The following LRP1B variants were observed in gnomAD, a reference collection of about 807,000 sequenced individuals.
LRP1B encodes the protein low-density lipoprotein receptor-related protein 1B.
LRP1B carries 217 observed loss-of-function variants against 556.6 expected under a neutral mutation model. The ratio of observed to expected loss-of-function variants is 0.39; its 90% CI spans 0.35 to 0.44. The LOEUF (loss-of-function observed/expected upper bound fraction) is 0.44. Ranked by LOEUF, LRP1B falls within the 20% of genes least tolerant of loss-of-function variation. The pLI, the probability that LRP1B is intolerant of heterozygous loss-of-function variation, is 1.00. For missense variants in LRP1B, 5,053 were observed against 5,620.8 expected, an observed-to-expected ratio of 0.90 and a Z score of 3.23; for synonymous variants, 2,047 against 1,865.8, an observed-to-expected ratio of 1.10 and a Z score of -2.50.
intron 11 of LRP1B, 48 bp from the exon 12 acceptor site, chr2:141,020,150 T>G: frequency 7.7e-7 from 1 of 1,292,654 alleles, no homozygotes; most frequent in Non-Finnish European, 1.0e-6. Context: ...ACAACTATAG[T>G]AAAATTAGTG....
At chr2:141,193,498 A>G (rs751527782) in intron 6 of LRP1B, among the ~76,000 whole-genome samples, 1 of 152,056 alleles carries the variant, frequency 6.6e-6, no homozygotes, top group Non-Finnish European at 1.5e-5. Context: ...AGAAATCAAA[A>G]TACTTCATGT....
rs1333664208 is a variant in LRP1B, at chr2:140,841,022, A to C, written c.5010T>G (p.Phe1670Leu). Reference protein sequence around the residue: ...SRNLYWISSEFDETQINVARL... With the variant: ...SRNLYWISSELDETQINVARL... The stretch of plus-strand genomic sequence containing the variant: ...TTGCCACATTAATTTGCGTTTCATC[A>C]AATTCTGAGCTAATCCAGTATAAAT... Residue 1670 changes from phenylalanine to leucine, a missense_variant, in exon 30 of 91, where the codon TTT (phenylalanine) becomes TTG (leucine). Phe to Leu is a conservative substitution (Grantham distance 22). Around this residue, in one of 5 missense-constraint regions of LRP1B, gnomAD observed 3,619 missense variants for 3,931.9 expected, o/e 0.92. Coordinates refer to ENST00000389484, the MANE Select transcript of LRP1B (RefSeq NM_018557.3). The C allele has an allele frequency of 6.2e-7, 1 of 1,613,574 alleles. No homozygotes were observed. Among genetic ancestry groups the C allele is most frequent in the Non-Finnish European group, 8.5e-7 (1 of 1,179,716 alleles).
At chr2:141,783,282 C>T (rs1291665019) in intron 2 of LRP1B, among the ~76,000 whole-genome samples, 1 of 152,028 alleles carries the variant, frequency 6.6e-6, no homozygotes, top group Non-Finnish European at 1.5e-5. Context: ...TGAAATATTA[C>T]TCAAATAGAA....
At position 140,903,093 on chromosome 2, in the gene LRP1B, G is replaced by A. The variant is rs1275316583; in HGVS notation, c.3593C>T (p.Ser1198Phe). ...SVVPGRGIVC[S>F]CPEGLQLNKD... is the part of the protein sequence containing the mutation. ...GTTGAGTTGAAGTCCTTCAGGGCAG[G>A]AACAGACAATTCCTCTTCCAGGAAC... is the stretch of plus-strand genomic sequence containing the variant. The change falls in exon 23 of 91, where the codon TCC becomes TTC. Residue 1198 changes from serine to phenylalanine, a missense_variant. Physicochemically the swap from Ser to Phe is radical, Grantham distance 155. Coordinates refer to ENST00000389484, the MANE Select transcript of LRP1B (RefSeq NM_018557.3). The A allele has an allele frequency of 1.2e-6, 2 of 1,613,536 alleles. No homozygotes were observed. The highest frequency in any genetic ancestry group is 1.7e-6 in the Non-Finnish European group (2 of 1,179,684).
chr2:140,738,445 C>T (rs1688023560), intron 35 of LRP1B, among the ~76,000 whole-genome samples: 1 of 152,110 alleles, frequency 6.6e-6, no homozygotes, highest in Non-Finnish European at 1.5e-5. Flanking sequence ...ACATGCACTT[C>T]TCAAATTTCT....
In LRP1B at chr2:141,554,007, ATAT is replaced by A. The variant is rs968857424; in HGVS notation, c.206-73477_206-73475del. ...ACATAGATATAGATTATATATATCT[ATAT>A]TAATAGACAAGATATAGATTATATA... On this transcript the variant is annotated intron_variant, in intron 2 of 90. Transcript: ENST00000389484. 2.7e-3 allele frequency among the ~76,000 whole-genome samples: 379 copies of A among 140,566 alleles called. 1 individual carries two copies. Among genetic ancestry groups the A allele is most frequent in the Non-Finnish European group, 4.5e-3 (300 of 65,992 alleles). 92.2% of individuals were successfully genotyped at this position (140,566 alleles called of 152,430 possible).
At chr2:141,441,377 C>T (rs757214078) in intron 3 of LRP1B, among the ~76,000 whole-genome samples, 1 of 152,128 alleles carries the variant, frequency 6.6e-6, no homozygotes, top group Non-Finnish European at 1.5e-5. Context: ...CACACCTGGC[C>T]AGCCCTGGGT....
chr2:140,742,328 T>C (rs1222307090), intron 35 of LRP1B, among the ~76,000 whole-genome samples: 1 of 152,206 alleles, frequency 6.6e-6, no homozygotes, highest in African/African-American at 2.4e-5. Context: ...CTTCTTCATG[T>C]AGTTCTTCAT....
At chr2:141,340,571 A>T (rs568823423) in intron 3 of LRP1B, among the ~76,000 whole-genome samples, 5 of 152,302 alleles carry the variant, frequency 3.3e-5, no homozygotes, top group African/African-American at 1.2e-4. Context: ...ATACCATTAC[A>T]AATGTTCTAA....
chr2:141,418,988 T>G (rs768895402), intron 3 of LRP1B, among the ~76,000 whole-genome samples: 1 of 152,116 alleles, frequency 6.6e-6, no homozygotes, highest in Non-Finnish European at 1.5e-5. Context: ...TGGGATTCTT[T>G]TCTCAATTTT....
At chr2:141,480,351 G>A (rs200988603) in intron 3 of LRP1B, 45 bp downstream of exon 3, 1 of 1,607,042 alleles carries the variant, frequency 6.2e-7, no homozygotes, top group Non-Finnish European at 8.5e-7. Context: ...TCATTACTAT[G>A]TAAAATTTAA....
chr2:140,673,754 G>A (rs796729482), intron 41 of LRP1B, among the ~76,000 whole-genome samples: 24 of 152,064 alleles, frequency 1.6e-4, no homozygotes, highest in African/African-American at 5.1e-4. Flanking sequence ...ACTAGTTCGG[G>A]CCGTGACAGA....
chr2:141,742,860 T>C (rs1693762217), intron 2 of LRP1B, among the ~76,000 whole-genome samples: 1 of 152,184 alleles, frequency 6.6e-6, no homozygotes, highest in South Asian at 2.1e-4. Flanking sequence ...AGTTATTTTA[T>C]TTGCAGCTAT....
intron 2 of LRP1B, among the ~76,000 whole-genome samples, chr2:141,527,696 A>G (rs898365292): frequency 1.3e-5 from 2 of 152,120 alleles, no homozygotes; most frequent in Admixed American, 6.6e-5. Flanking sequence ...AAAATATGCT[A>G]TGCTATACAC....
chr2:142,068,696 C>CT (rs1418086954), intron 1 of LRP1B, among the ~76,000 whole-genome samples: 11 of 151,474 alleles, frequency 7.3e-5, no homozygotes, highest in Non-Finnish European at 1.0e-4. Flanking sequence ...CCACTATTCT[C>CT]TGTTATAACA....
chr2:140,293,513 GT>G (rs1306805855), intron 84 of LRP1B, among the ~76,000 whole-genome samples: 1 of 152,102 alleles, frequency 6.6e-6, no homozygotes, highest in Non-Finnish European at 1.5e-5. Flanking sequence ...GTTATGAAAT[GT>G]TTTTACTCAG....
intron 2 of LRP1B, among the ~76,000 whole-genome samples, chr2:141,806,067 G>C (rs891769865): frequency 6.6e-6 from 1 of 151,990 alleles, no homozygotes; most frequent in South Asian, 2.1e-4. Flanking sequence ...AAATAATCTA[G>C]TTTTAAGTAT....
chr2:141,544,390 CCTCCTCCTCCTCCTCCTCCTCCTT>C (rs1185672616), intron 2 of LRP1B, among the ~76,000 whole-genome samples: 1 of 41,302 alleles, frequency 2.4e-5, no homozygotes, highest in Non-Finnish European at 4.8e-5. Context: ...TTCTCCTCCT[CCTCCTCCTCCTCCTCCTCCTCCTT>C]CTCCTCCTTC....
intron 6 of LRP1B, among the ~76,000 whole-genome samples, chr2:141,194,416 A>G (rs1297750433): frequency 6.6e-6 from 1 of 152,092 alleles, no homozygotes; most frequent in African/African-American, 2.4e-5. Flanking sequence ...GCAAATCTAG[A>G]TGATGGCCAG....
Sources: allele counts gnomAD v4.1 joint callset (sites outside exome capture counted in the v4.1 genomes callset), GRCh38; gene constraint gnomAD v4.1.1; regional missense constraint gnomAD v4.1.1; transcripts MANE v1.5; gene names NCBI Gene and HGNC (gene_info 2026-07-23, HGNC 2026-07-21).